CCDC172: variants seen among roughly 807,000 people sequenced by gnomAD.
CCDC172 encodes the protein coiled-coil domain-containing protein 172.
Under a neutral mutation model 38.0 loss-of-function variants are expected in CCDC172, and 30 were observed. The ratio of observed to expected loss-of-function variants is 0.79; its 90% CI spans 0.59 to 1.07. The LOEUF (loss-of-function observed/expected upper bound fraction) is 1.07, where lower values mean the gene tolerates loss of function less well. Among genes scored for constraint, CCDC172 ranks in the 50% least tolerant of loss-of-function variants. The pLI is 0.00. For synonymous variants in CCDC172, 78 were observed against 88.3 expected (o/e 0.88, Z 0.66); for missense variants, 297 against 290.1 (o/e 1.02, Z -0.17).
chr10:116,379,266 A>G (rs1845283955), intron 8 of CCDC172, 57 bp from the exon 9 acceptor site: 9 of 983,260 alleles, frequency 9.2e-6, no homozygotes, highest in Non-Finnish European at 1.3e-5. Context: ...ATTTTATGTA[A>G]TTATTTTATT....
intron 4 of CCDC172, among the ~76,000 whole-genome samples, 166 bp from the exon 5 acceptor site, chr10:116,341,870 T>A (rs1844799055): frequency 6.6e-6 from 1 of 151,866 alleles, no homozygotes. Context: ...TAGCTTCAGT[T>A]TTTTATTAAT....
At chr10:116,373,840 A>C (rs971491684) in intron 7 of CCDC172, among the ~76,000 whole-genome samples, 7 of 152,172 alleles carry the variant, frequency 4.6e-5, no homozygotes, top group Admixed American at 3.9e-4. Context: ...GAGAGTACAC[A>C]GTAATAAATT....
intron 7 of CCDC172, among the ~76,000 whole-genome samples, chr10:116,377,183 T>C (rs1247665431): frequency 1.3e-5 from 2 of 152,112 alleles, no homozygotes; most frequent in African/African-American, 2.4e-5. Flanking sequence ...TAAAGTATAA[T>C]AAAAAAATCA....
intron 5 of CCDC172, among the ~76,000 whole-genome samples, chr10:116,347,112 T>G (rs1300710490): frequency 1.4e-5 from 1 of 71,682 alleles, no homozygotes; most frequent in East Asian, 3.5e-4. Flanking sequence ...AGCTCAGAGA[T>G]AGTTCTGGGC....
chr10:116,352,859 G>C (rs181278305), intron 5 of CCDC172, among the ~76,000 whole-genome samples: 1 of 151,936 alleles, frequency 6.6e-6, no homozygotes, highest in Non-Finnish European at 1.5e-5. Context: ...ACATGATCTC[G>C]TATATAGAAA....
intron 7 of CCDC172, among the ~76,000 whole-genome samples, chr10:116,372,399 T>C (rs1164810705): frequency 1.3e-5 from 2 of 152,008 alleles, no homozygotes; most frequent in Middle Eastern, 3.2e-3. Flanking sequence ...TAACCACCAC[T>C]GCAATCAAGA....
intron 3 of CCDC172, among the ~76,000 whole-genome samples, chr10:116,340,463 G>A (rs1844778138): frequency 6.6e-6 from 1 of 151,722 alleles, no homozygotes; most frequent in South Asian, 2.1e-4. Context: ...ATTCTTCTAG[G>A]TATTGAGAGG....
chr10:116,336,818 T>C (rs937605053), intron 3 of CCDC172, among the ~76,000 whole-genome samples: 3 of 152,138 alleles, frequency 2.0e-5, no homozygotes, highest in African/African-American at 7.2e-5. Flanking sequence ...CTTTGCTTGC[T>C]TGGACCCTAA....
At chr10:116,339,127 A>G (rs1589949398) in intron 3 of CCDC172, among the ~76,000 whole-genome samples, 1 of 152,106 alleles carries the variant, frequency 6.6e-6, no homozygotes, top group Non-Finnish European at 1.5e-5. Context: ...TTAACCTTAT[A>G]TATTTTCAAC....
intron 7 of CCDC172, among the ~76,000 whole-genome samples, chr10:116,365,790 C>A (rs1845115403): frequency 6.6e-6 from 1 of 152,112 alleles, no homozygotes; most frequent in Admixed American, 6.5e-5. Flanking sequence ...TATAAGACTG[C>A]ACTTTTTATT....
rs1844799634 is a variant in CCDC172, at chr10:116,341,928, CTATA to C, written c.283-105_283-102del. The C allele has an allele frequency of 1.4e-5, 11 of 778,546 alleles. No homozygotes were observed. The South Asian group carries it at 5.4e-4, about 38-fold the overall frequency. 48.2% of individuals were successfully genotyped at this position (778,546 alleles called of 1,614,324 possible). A position where few individuals can be genotyped will look rare whatever the true frequency, so the allele number is the denominator to read the frequency against. On this transcript the variant is annotated intron_variant, in intron 4 of 8. Coordinates refer to ENST00000333254, the MANE Select transcript of CCDC172 (RefSeq NM_198515.3). ...TTTGCCATAAAACCAGGAAGTGTAA[CTATA>C]TACTTTCATTGTTAATAATTCCAAA...
At chr10:116,373,397 G>A (rs1308485173) in intron 7 of CCDC172, among the ~76,000 whole-genome samples, 3 of 152,132 alleles carry the variant, frequency 2.0e-5, no homozygotes, top group Non-Finnish European at 4.4e-5. Context: ...TAGGTTTATA[G>A]CATATGTAAA....
At chr10:116,357,692 T>C (rs941989423) in intron 6 of CCDC172, 144 bp from the exon 7 acceptor site, 70 of 657,298 alleles carry the variant, frequency 1.1e-4, no homozygotes, top group Non-Finnish European at 1.6e-4. Flanking sequence ...ATGTAATTGC[T>C]ATATTAAAGT....
chr10:116,376,716 T>C (rs1341330369), intron 7 of CCDC172, among the ~76,000 whole-genome samples: 7 of 151,952 alleles, frequency 4.6e-5, no homozygotes, highest in Non-Finnish European at 8.8e-5. Context: ...GACCAGAATA[T>C]ACCACCCTGA....
intron 5 of CCDC172, among the ~76,000 whole-genome samples, chr10:116,346,612 C>T (rs756783610): frequency 1.3e-5 from 2 of 150,776 alleles, no homozygotes; most frequent in African/African-American, 2.4e-5. Context: ...ATTGTATGCT[C>T]TAAATGAATA....
Position 116,342,094 on chromosome 10 carries a change from A to C in CCDC172, c.341A>C (p.Asp114Ala). The change falls in exon 5 of 9, where the codon GAC becomes GCC. Residue 114 changes from aspartate to alanine, a missense_variant. Transcript: ENST00000333254. ...GACAAATTTATTAAGGAAATTACAG[A>C]CTTTAATAATGATTATGAAATAACA... ...EEDKFIKEIT[D>A]FNNDYEITKK... is the part of the protein sequence containing the mutation. 1 of 1,543,806 alleles carries C rather than the reference A, an allele frequency of 6.5e-7. No homozygotes were observed. The highest frequency in any genetic ancestry group is 8.7e-7 in the Non-Finnish European group (1 of 1,151,080).
Position 116,378,488 on chromosome 10 carries a change from CAGAAAT to C in CCDC172, c.724_729del (p.Ile242_Glu243del). The stretch of plus-strand genomic sequence containing the variant: ...GAAAGTGTTTATGAAGCTCTCCAAA[CAGAAAT>C]AGAATTTTTGGAGTTGGTAAGTTAT... On this transcript the variant is annotated inframe_deletion, in exon 8 of 9. Coordinates refer to ENST00000333254, the MANE Select transcript of CCDC172 (RefSeq NM_198515.3). 6.2e-7 allele frequency: 1 copy of C among 1,604,130 alleles called. No individual in the cohort carries two copies. Among genetic ancestry groups the C allele is most frequent in the South Asian group, 1.1e-5 (1 of 88,778 alleles).
At chr10:116,372,307 A>T (rs564957378) in intron 7 of CCDC172, among the ~76,000 whole-genome samples, 1 of 152,236 alleles carries the variant, frequency 6.6e-6, no homozygotes, top group Admixed American at 6.5e-5. Flanking sequence ...AACTTTGGCT[A>T]CTGTCATTGC....
At chr10:116,349,931 A>G (rs1844911399) in intron 5 of CCDC172, among the ~76,000 whole-genome samples, 1 of 152,174 alleles carries the variant, frequency 6.6e-6, no homozygotes, top group Non-Finnish European at 1.5e-5. Flanking sequence ...CGAGTTTTGA[A>G]TAAGACCTGA....
Sources: allele counts gnomAD v4.1 joint callset (sites outside exome capture counted in the v4.1 genomes callset), GRCh38; gene constraint gnomAD v4.1.1; transcripts MANE v1.5; gene names NCBI Gene and HGNC (gene_info 2026-07-23, HGNC 2026-07-21).